FAT3: variants seen among roughly 807,000 people sequenced by gnomAD.
FAT3 encodes FAT atypical cadherin 3, also known as protocadherin Fat 3.
Under a neutral mutation model 310.2 loss-of-function variants are expected in FAT3, and 95 were observed. That is an observed-to-expected ratio of 0.31 (90% CI 0.26 to 0.36). FAT3 has a LOEUF of 0.36. Among genes scored for constraint, FAT3 ranks in the 10% least tolerant of loss-of-function variants. FAT3 has a pLI of 1.00. For synonymous variants in FAT3, 2,314 were observed against 2,192.9 expected, an observed-to-expected ratio of 1.06 and a Z score of -1.54; for missense variants, 5,408 against 5,715.6, an observed-to-expected ratio of 0.95 and a Z score of 1.74.
At chr11:92,550,471 A>G (rs1395309573) in intron 3 of FAT3, among the ~76,000 whole-genome samples, 4 of 152,240 alleles carry the variant, frequency 2.6e-5, no homozygotes, top group East Asian at 1.9e-4. Context: ...GGAAATTTTC[A>G]TAGTTGTCCT....
At chr11:92,524,227 TC>T (rs973668138) in intron 2 of FAT3, among the ~76,000 whole-genome samples, 14 of 152,108 alleles carry the variant, frequency 9.2e-5, no homozygotes, top group African/African-American at 3.4e-4. Context: ...AGAAGTCAAT[TC>T]AATATCAGGT....
At chr11:92,669,894 A>G (rs915541374) in intron 3 of FAT3, among the ~76,000 whole-genome samples, 3 of 152,218 alleles carry the variant, frequency 2.0e-5, no homozygotes, top group African/African-American at 7.2e-5. Context: ...AGCTGTTACT[A>G]CTATTATTCA....
chr11:92,623,757 C>T (rs1169144671), intron 3 of FAT3, among the ~76,000 whole-genome samples: 2 of 152,112 alleles, frequency 1.3e-5, no homozygotes, highest in Non-Finnish European at 2.9e-5. Flanking sequence ...TCCTGGCTAA[C>T]ATGGTGAAAC....
Position 92,894,261 on chromosome 11 carries a change from G to A in FAT3, c.*3148G>A, listed in dbSNP as rs902948432. 2.6e-5 allele frequency: 4 copies of A among 152,198 alleles called. No individual in the cohort carries two copies. The highest frequency in any genetic ancestry group is 6.5e-5 in the Admixed American group (1 of 15,282). The allele number at this position is 152,198 out of a possible 1,614,324, so 9.4% of individuals were successfully genotyped here. A position where few individuals can be genotyped will look rare whatever the true frequency, so the allele number is the denominator to read the frequency against. ...TGCTGCTTTTGCCAAATGAATGTTT[G>A]TATAATAGGGATGAAATGATAATTA... On this transcript the variant is annotated 3_prime_UTR_variant, in exon 28 of 28. Transcript: ENST00000525166.
chr11:92,508,040 A>G (rs1953174764), intron 2 of FAT3, among the ~76,000 whole-genome samples: 1 of 152,146 alleles, frequency 6.6e-6, no homozygotes, highest in Non-Finnish European at 1.5e-5. Flanking sequence ...AGGCTTTTAT[A>G]AACTTGTCAT....
intron 4 of FAT3, among the ~76,000 whole-genome samples, chr11:92,708,658 A>C (rs1270535079): frequency 6.6e-6 from 1 of 152,224 alleles, no homozygotes; most frequent in African/African-American, 2.4e-5. Flanking sequence ...TGTATTATGC[A>C]TTGTATTTAT....
intron 2 of FAT3, among the ~76,000 whole-genome samples, chr11:92,509,940 G>A (rs963561563): frequency 1.3e-5 from 2 of 152,058 alleles, no homozygotes; most frequent in African/African-American, 4.8e-5. Flanking sequence ...GCAGAGATTT[G>A]CCTAGTAATT....
intron 2 of FAT3, among the ~76,000 whole-genome samples, chr11:92,412,746 A>ACACAT (rs1591252852): frequency 5.5e-5 from 1 of 18,076 alleles, no homozygotes; most frequent in Non-Finnish European, 1.1e-4. Flanking sequence ...TATATATATA[A>ACACAT]ATATACATAC....
chr11:92,592,316 G>A (rs1003437052), intron 3 of FAT3, among the ~76,000 whole-genome samples: 2 of 82,922 alleles, frequency 2.4e-5, no homozygotes, highest in Non-Finnish European at 4.5e-5. Flanking sequence ...TCTCCTAATT[G>A]TCTTTTTTTT....
intron 13 of FAT3, among the ~76,000 whole-genome samples, chr11:92,820,927 C>A (rs1394333256): frequency 6.6e-6 from 1 of 152,124 alleles, no homozygotes; most frequent in Non-Finnish European, 1.5e-5. Flanking sequence ...TTCTACTCTC[C>A]AAGGAACAAG....
At chr11:92,733,565 G>A (rs1415076493) in intron 4 of FAT3, among the ~76,000 whole-genome samples, 1 of 152,128 alleles carries the variant, frequency 6.6e-6, no homozygotes, top group African/African-American at 2.4e-5. Flanking sequence ...GAGTTGGACA[G>A]CAGTCTTCTG....
At chr11:92,278,568 T>C (rs1193010836) in intron 1 of FAT3, among the ~76,000 whole-genome samples, 1 of 152,134 alleles carries the variant, frequency 6.6e-6, no homozygotes, top group Non-Finnish European at 1.5e-5. Flanking sequence ...TATTTAAATA[T>C]GTATTCTTTA....
chr11:92,267,766 A>T (rs1001414042), intron 1 of FAT3, among the ~76,000 whole-genome samples: 1 of 152,140 alleles, frequency 6.6e-6, no homozygotes, highest in African/African-American at 2.4e-5. Flanking sequence ...ATCATTATTT[A>T]TTTGCTGATA....
intron 3 of FAT3, among the ~76,000 whole-genome samples, chr11:92,534,270 C>T (rs930173586): frequency 3.3e-5 from 5 of 152,076 alleles, no homozygotes; most frequent in Non-Finnish European, 7.4e-5. Flanking sequence ...GCAATAACCA[C>T]AGTCCTGGGG....
intron 3 of FAT3, among the ~76,000 whole-genome samples, chr11:92,642,768 T>C (rs1464138928): frequency 6.6e-6 from 1 of 152,174 alleles, no homozygotes; most frequent in Non-Finnish European, 1.5e-5. Context: ...TGCTGACATT[T>C]AGCCAGCAAA....
At chr11:92,838,623 T>C (rs543538550) in intron 17 of FAT3, among the ~76,000 whole-genome samples, 1 of 152,288 alleles carries the variant, frequency 6.6e-6, no homozygotes, top group East Asian at 1.9e-4. Context: ...GGGCCACAGG[T>C]ATTCTAGAGA....
intron 6 of FAT3, among the ~76,000 whole-genome samples, chr11:92,768,940 A>G (rs1398536791): frequency 6.6e-6 from 1 of 152,234 alleles, no homozygotes; most frequent in Non-Finnish European, 1.5e-5. Flanking sequence ...TACTAATGCT[A>G]TAACTAATAA....
rs767170658 is a variant in FAT3, at chr11:92,801,477, A to G, written c.8464A>G (p.Ile2822Val). The G allele has an allele frequency of 9.3e-6, 15 of 1,613,500 alleles. No homozygotes were observed. The highest frequency in any genetic ancestry group is 1.3e-5 in the Non-Finnish European group (15 of 1,179,662). ...PVFETSSYDT[I>V]IMEGMPVGTK... ...CTTTGAAACTTCAAGCTATGACACCATTATAATGGAAGGGATGCCTGTTGG... is the reference window on the plus strand; with the variant it reads ...CTTTGAAACTTCAAGCTATGACACCGTTATAATGGAAGGGATGCCTGTTGG... The change falls in exon 10 of 28, where the codon ATT becomes GTT. Residue 2822 changes from isoleucine (I) to valine (V), a missense_variant. Around this residue, in one of 5 missense-constraint regions of FAT3, gnomAD observed 4,588 missense variants for 4,809.8 expected, o/e 0.95. Transcript: ENST00000525166.
At chr11:92,260,913 T>G (rs983942973) in intron 1 of FAT3, among the ~76,000 whole-genome samples, 4 of 152,140 alleles carry the variant, frequency 2.6e-5, no homozygotes, top group African/African-American at 9.6e-5. Context: ...AAAACTTAAG[T>G]GTGGGTATCC....
Sources: allele counts gnomAD v4.1 joint callset (sites outside exome capture counted in the v4.1 genomes callset), GRCh38; gene constraint gnomAD v4.1.1; regional missense constraint gnomAD v4.1.1; transcripts MANE v1.5; gene names NCBI Gene and HGNC (gene_info 2026-07-23, HGNC 2026-07-21).